CENPC: variants seen among roughly 807,000 people sequenced by gnomAD.
CENPC encodes the protein centromere protein C, also known as CENP-C 1.
In CENPC, 63 loss-of-function variants were observed where a neutral mutation model predicts 112.1. The ratio of observed to expected loss-of-function variants is 0.56; its 90% CI spans 0.46 to 0.69. The LOEUF (loss-of-function observed/expected upper bound fraction) is 0.69, where lower values mean the gene tolerates loss of function less well. Among genes scored for constraint, CENPC ranks in the 30% least tolerant of loss-of-function variants. CENPC has a pLI of 0.00. For synonymous variants in CENPC, 333 were observed against 367.6 expected (o/e 0.91, Z 1.08); for missense variants, 1,000 against 1,103.8 (o/e 0.91, Z 1.33).
intron 17 of CENPC, among the ~76,000 whole-genome samples, chr4:67,489,597 T>C (rs1188335966): frequency 1.3e-5 from 2 of 152,100 alleles, no homozygotes; most frequent in Non-Finnish European, 2.9e-5. Flanking sequence ...AAGTGATTTT[T>C]GAAGAAGTCT....
chr4:67,545,291 C>T, intron 1 of CENPC, 47 bp downstream of exon 1: 1 of 1,455,816 alleles, frequency 6.9e-7, no homozygotes, highest in Non-Finnish European at 9.1e-7. Context: ...GCCCGTGCCC[C>T]AGCCAGCCGC....
chr4:67,502,707 T>C (rs1054182546), intron 12 of CENPC, among the ~76,000 whole-genome samples: 1 of 152,130 alleles, frequency 6.6e-6, no homozygotes, highest in Admixed American at 6.6e-5. Context: ...AAATCTAACA[T>C]CCTGTTCTTT....
At chr4:67,515,719 G>T (rs1463475585) in intron 7 of CENPC, among the ~76,000 whole-genome samples, 2 of 151,856 alleles carry the variant, frequency 1.3e-5, no homozygotes, top group Non-Finnish European at 2.9e-5. Flanking sequence ...CCAAGTTTGG[G>T]TATTTCACAT....
At chr4:67,491,475 A>AGAGAG (rs1725267287) in intron 16 of CENPC, among the ~76,000 whole-genome samples, 1 of 80,710 alleles carries the variant, frequency 1.2e-5, no homozygotes, top group Non-Finnish European at 2.5e-5. Context: ...ATATATATAT[A>AGAGAG]TATATAGAGA....
At chr4:67,486,766 G>C (rs553576684) in intron 17 of CENPC, among the ~76,000 whole-genome samples, 3 of 152,176 alleles carry the variant, frequency 2.0e-5, no homozygotes, top group Non-Finnish European at 4.4e-5. Flanking sequence ...TGATTCCCTA[G>C]GTTTCACCTG....
At chr4:67,532,488 G>A (rs972485694) in intron 4 of CENPC, among the ~76,000 whole-genome samples, 6 of 152,170 alleles carry the variant, frequency 3.9e-5, no homozygotes, top group South Asian at 2.1e-4. Context: ...CAAAGACTTC[G>A]AACCAACCCA....
intron 17 of CENPC, among the ~76,000 whole-genome samples, chr4:67,488,310 G>T (rs1364833902): frequency 6.6e-6 from 1 of 151,872 alleles, no homozygotes; most frequent in Non-Finnish European, 1.5e-5. Context: ...ATCACAGAAT[G>T]GTTTATCCCA....
intron 14 of CENPC, 191 bp downstream of exon 14, chr4:67,493,693 A>G: frequency 4.0e-6 from 2 of 495,004 alleles, no homozygotes; most frequent in Non-Finnish European, 7.2e-6. Flanking sequence ...CAGGAATAAC[A>G]ACATTCAGCT....
chr4:67,492,866 T>C lies in CENPC; in HGVS notation c.2419+3A>G. 1.3e-6 allele frequency: 2 copies of C among 1,548,720 alleles called. No individual in the cohort carries two copies. Among genetic ancestry groups the C allele is most frequent in the Non-Finnish European group, 1.7e-6 (2 of 1,143,024 alleles). ...AAAGTTACTTTCAGAAATAAGTTCA[T>C]ACTTCTTTCATCGTTATCAAGACAG... is the stretch of plus-strand genomic sequence containing the variant. On this transcript the variant is annotated splice_donor_region_variant and intron_variant, in intron 15 of 18. Coordinates refer to ENST00000273853, the MANE Select transcript of CENPC (RefSeq NM_001812.4).
intron 18 of CENPC, among the ~76,000 whole-genome samples, chr4:67,473,974 A>C (rs1235500162): frequency 1.3e-5 from 2 of 152,232 alleles, no homozygotes; most frequent in African/African-American, 2.4e-5. Context: ...GTTTAAAATA[A>C]TGTTCTAAAA....
chr4:67,509,118 A>G lies in CENPC; in HGVS notation c.1613-13T>C. 4 of 1,586,858 alleles carry G rather than the reference A, an allele frequency of 2.5e-6. No homozygotes were observed. Among genetic ancestry groups the G allele is most frequent in the Non-Finnish European group, 3.4e-6 (4 of 1,169,286 alleles). ...CTATAAACAGGACCTGAAGGATTCA[A>G]TGATAACCTAAAGTTAGTAAGTTTG... On this transcript the variant is annotated splice_polypyrimidine_tract_variant and intron_variant, in intron 9 of 18. Coordinates refer to ENST00000273853, the MANE Select transcript of CENPC (RefSeq NM_001812.4).
chr4:67,489,114 G>A (rs1241005149), intron 17 of CENPC, among the ~76,000 whole-genome samples: 1 of 151,510 alleles, frequency 6.6e-6, no homozygotes, highest in Non-Finnish European at 1.5e-5. Flanking sequence ...TTAAAATTTG[G>A]TGCTTTTCAA....
rs576759353 is a variant in CENPC at position 67,508,596 on chromosome 4, T to C, written c.1904+218A>G. ...ATTTAACAGTCATAATTCCAGGTGCTATGTACTATTCCCTATTTTAATATG... is the reference window on the plus strand; with the variant it reads ...ATTTAACAGTCATAATTCCAGGTGCCATGTACTATTCCCTATTTTAATATG... On this transcript the variant is annotated intron_variant, in intron 10 of 18. Coordinates refer to ENST00000273853, the MANE Select transcript of CENPC (RefSeq NM_001812.4). Among the ~76,000 whole-genome samples, 7 of 151,240 alleles carry C rather than the reference T, an allele frequency of 4.6e-5. No individual in the cohort carries two copies. The South Asian group carries it at 1.5e-3, about 32-fold the overall frequency.
intron 7 of CENPC, among the ~76,000 whole-genome samples, chr4:67,517,932 T>A (rs931741900): frequency 1.8e-4 from 28 of 152,186 alleles, no homozygotes; most frequent in African/African-American, 6.3e-4. Context: ...TGAATAAACT[T>A]GTTTTCTTTC....
At chr4:67,483,742 G>A (rs1179317228) in intron 17 of CENPC, among the ~76,000 whole-genome samples, 1 of 151,498 alleles carries the variant, frequency 6.6e-6, no homozygotes, top group Non-Finnish European at 1.5e-5. Context: ...AGGCTGATGT[G>A]CTGTTTGTGT....
chr4:67,517,962 T>C (rs1726107024), intron 7 of CENPC, among the ~76,000 whole-genome samples, 194 bp downstream of exon 7: 1 of 152,176 alleles, frequency 6.6e-6, no homozygotes, highest in Non-Finnish European at 1.5e-5. Flanking sequence ...TTAGTATCTA[T>C]TAAAAAATGG....
intron 18 of CENPC, among the ~76,000 whole-genome samples, chr4:67,473,376 A>T (rs1018045355): frequency 6.6e-6 from 1 of 152,240 alleles, no homozygotes; most frequent in African/African-American, 2.4e-5. Context: ...CTTTCTATAT[A>T]TTAGAAATTG....
chr4:67,521,041 A>G (rs1671056418), intron 5 of CENPC, among the ~76,000 whole-genome samples: 2 of 151,172 alleles, frequency 1.3e-5, no homozygotes, highest in African/African-American at 4.9e-5. Context: ...AAATAAATAA[A>G]TAAATAAATA....
At chr4:67,505,180 A>AAT in intron 12 of CENPC, 25 bp downstream of exon 12, 1 of 1,490,724 alleles carries the variant, frequency 6.7e-7, no homozygotes, top group Non-Finnish European at 9.1e-7. Context: ...ATAAAAATCA[A>AAT]GACAGAAAAA....
Sources: allele counts gnomAD v4.1 joint callset (sites outside exome capture counted in the v4.1 genomes callset), GRCh38; gene constraint gnomAD v4.1.1; transcripts MANE v1.5; gene names NCBI Gene and HGNC (gene_info 2026-07-23, HGNC 2026-07-21).